The following IMMP2L variants were observed in gnomAD, a reference collection of about 807,000 sequenced individuals.
IMMP2L encodes inner mitochondrial membrane peptidase subunit 2.
Under a neutral mutation model 19.3 loss-of-function variants are expected in IMMP2L, and 18 were observed. The observed-to-expected ratio is 0.93, with a 90% confidence interval of 0.64 to 1.38. The LOEUF (loss-of-function observed/expected upper bound fraction) is 1.38. Ranked by LOEUF, IMMP2L falls within the 40% of genes most tolerant of loss-of-function variation. The pLI is 0.00. For missense variants in IMMP2L, 233 were observed against 218.2 expected (o/e 1.07, Z -0.43); for synonymous variants, 76 against 73.0 (o/e 1.04, Z -0.21).
chr7:111,124,367 T>C, intron 3 of IMMP2L: 2 of 1,613,718 alleles, frequency 1.2e-6, no homozygotes, highest in Non-Finnish European at 1.7e-6. Flanking sequence ...ATAAGAGATA[T>C]TCAGGCCAAT....
At chr7:111,297,608 T>C (rs1309795300) in intron 3 of IMMP2L, among the ~76,000 whole-genome samples, 3 of 152,102 alleles carry the variant, frequency 2.0e-5, no homozygotes, top group Middle Eastern at 3.2e-3. Context: ...GACTTGTGCA[T>C]AAATGTATAT....
intron 1 of IMMP2L, among the ~76,000 whole-genome samples, chr7:111,539,200 A>AGGG (rs1404178837): frequency 5.5e-5 from 1 of 18,262 alleles, no homozygotes; most frequent in African/African-American, 2.2e-4. Flanking sequence ...AGGAGGGAGA[A>AGGG]AGAAAGAAAG....
chr7:110,923,964 C>T (rs1399921662), intron 4 of IMMP2L, among the ~76,000 whole-genome samples: 1 of 152,142 alleles, frequency 6.6e-6, no homozygotes, highest in Admixed American at 6.6e-5. Context: ...CACTGATGCA[C>T]AGGGGAATAA....
intron 3 of IMMP2L, among the ~76,000 whole-genome samples, chr7:111,292,091 A>G (rs986146013): frequency 2.0e-5 from 3 of 152,112 alleles, no homozygotes; most frequent in Non-Finnish European, 4.4e-5. Flanking sequence ...GAAAACAACC[A>G]TATTCAAAAA....
intron 3 of IMMP2L, among the ~76,000 whole-genome samples, chr7:111,241,598 T>A (rs1361081203): frequency 6.6e-6 from 1 of 151,886 alleles, no homozygotes; most frequent in African/African-American, 2.4e-5. Flanking sequence ...ATTGTTTGAC[T>A]CAAGAAAACA....
At chr7:111,211,053 A>C (rs1366684130) in intron 3 of IMMP2L, among the ~76,000 whole-genome samples, 2 of 152,182 alleles carry the variant, frequency 1.3e-5, no homozygotes, top group Non-Finnish European at 1.5e-5. Context: ...GTCATTTAAT[A>C]AATATGTATT....
chr7:111,215,048 T>C (rs528258678), intron 3 of IMMP2L, among the ~76,000 whole-genome samples: 43 of 152,108 alleles, frequency 2.8e-4, no homozygotes, highest in Non-Finnish European at 5.4e-4. Context: ...GCAATCTACA[T>C]ACTTTAAACT....
intron 3 of IMMP2L, among the ~76,000 whole-genome samples, chr7:111,144,832 C>T (rs1803297438): frequency 6.6e-6 from 1 of 152,084 alleles, no homozygotes; most frequent in South Asian, 2.1e-4. Flanking sequence ...ATGTTACTAA[C>T]AGTCTTGCAA....
chr7:111,444,362 C>G (rs1838075133), intron 3 of IMMP2L, among the ~76,000 whole-genome samples: 2 of 152,046 alleles, frequency 1.3e-5, no homozygotes, highest in South Asian at 4.1e-4. Context: ...AGTAAGACTG[C>G]TTGGTTCAAA....
intron 3 of IMMP2L, among the ~76,000 whole-genome samples, chr7:110,995,243 A>T (rs1822907696): frequency 6.6e-6 from 1 of 152,148 alleles, no homozygotes. Flanking sequence ...AATTGGAAGA[A>T]CATAAGAAGG....
intron 3 of IMMP2L, among the ~76,000 whole-genome samples, chr7:111,301,070 A>G (rs1822183495): frequency 6.6e-6 from 1 of 152,090 alleles, no homozygotes; most frequent in South Asian, 2.1e-4. Context: ...CAGCAATATT[A>G]TGAGTGATCC....
chr7:111,133,076 A>G (rs1262453660), intron 3 of IMMP2L, among the ~76,000 whole-genome samples: 1 of 151,972 alleles, frequency 6.6e-6, no homozygotes, highest in African/African-American at 2.4e-5. Flanking sequence ...AATAGTAGCA[A>G]GGTTTCTAAG....
intron 3 of IMMP2L, among the ~76,000 whole-genome samples, chr7:111,463,090 T>C (rs1840285209): frequency 6.6e-6 from 1 of 152,152 alleles, no homozygotes. Flanking sequence ...ATCTGTTCCA[T>C]GCCTTTCTCC....
At chr7:111,435,872 C>T (rs1837111309) in intron 3 of IMMP2L, among the ~76,000 whole-genome samples, 1 of 151,752 alleles carries the variant, frequency 6.6e-6, no homozygotes, top group Admixed American at 6.6e-5. Context: ...TCCCTATACT[C>T]CTGCAGTGGG....
rs1585598403 is a variant in IMMP2L at position 111,540,179 on chromosome 7, A to G, written c.-2-18730T>C. On this transcript the variant is annotated intron_variant, in intron 1 of 5. Transcript: ENST00000405709. The stretch of plus-strand genomic sequence containing the variant: ...TCCACCAAACTCATATTTAAATAAT[A>G]ATTTTAGCTATTTTCGCAATCTAGA... 2.6e-5 allele frequency among the ~76,000 whole-genome samples: 4 copies of G among 152,288 alleles called. No individual in the cohort carries two copies. In the East Asian group the frequency reaches 7.7e-4, roughly 29 times the overall value.
At position 111,481,053 on chromosome 7, in the gene IMMP2L, T is replaced by C. The variant is rs531710610; in HGVS notation, c.239+6185A>G. 7.1e-4 allele frequency among the ~76,000 whole-genome samples: 108 copies of C among 152,236 alleles called. 3 individuals are homozygous for C. In the South Asian group the frequency reaches 0.021, roughly 30 times the overall value. On this transcript the variant is annotated intron_variant, in intron 3 of 5. Coordinates refer to ENST00000405709, the MANE Select transcript of IMMP2L (RefSeq NM_032549.4). ...ATGACTCTTTGTTCATACTTATCGA[T>C]AGAGAAGCAGCCACCACACTGGCCA...
chr7:110,674,937 G>T (rs1250731452), intron 5 of IMMP2L, among the ~76,000 whole-genome samples: 1 of 152,092 alleles, frequency 6.6e-6, no homozygotes, highest in African/African-American at 2.4e-5. Flanking sequence ...ACCCAATTCA[G>T]TCCTGACTCT....
chr7:111,270,063 G>C (rs1232012987), intron 3 of IMMP2L, among the ~76,000 whole-genome samples: 1 of 144,030 alleles, frequency 6.9e-6, no homozygotes, highest in Non-Finnish European at 1.5e-5. Context: ...GTGTCTGTGT[G>C]TGTGTGTGTG....
intron 5 of IMMP2L, among the ~76,000 whole-genome samples, chr7:110,885,224 T>C (rs1810095656): frequency 6.6e-6 from 1 of 152,006 alleles, no homozygotes; most frequent in African/African-American, 2.4e-5. Context: ...TGGATGAGCA[T>C]ATCTAATCCC....
Sources: allele counts gnomAD v4.1 joint callset (sites outside exome capture counted in the v4.1 genomes callset), GRCh38; gene constraint gnomAD v4.1.1; transcripts MANE v1.5; gene names NCBI Gene and HGNC (gene_info 2026-07-23, HGNC 2026-07-21).